NACC2: variants seen among roughly 807,000 people sequenced by gnomAD.
NACC2 encodes nucleus accumbens-associated protein 2.
NACC2 carries 8 observed loss-of-function variants against 25.1 expected under a neutral mutation model. The observed-to-expected ratio is 0.32, with a 90% CI of 0.19 to 0.57. The LOEUF (loss-of-function observed/expected upper bound fraction) is 0.57, where lower values mean the gene tolerates loss of function less well. Among genes scored for constraint, NACC2 ranks in the 20% least tolerant of loss-of-function variants. The pLI is 0.89. For synonymous variants in NACC2, 435 were observed against 294.7 expected, an observed-to-expected ratio of 1.48 and a Z score of -4.88; for missense variants, 644 against 650.2, an observed-to-expected ratio of 0.99 and a Z score of 0.10.
At chr9:136,028,645 G>A (rs189068704) in intron 2 of NACC2, among the ~76,000 whole-genome samples, 51 of 152,280 alleles carry the variant, frequency 3.3e-4, no homozygotes, top group Admixed American at 1.4e-3. Context: ...AATCTTGCCC[G>A]CTTCCAAGTT....
At chr9:136,072,482 T>C (rs777748410) in intron 1 of NACC2, among the ~76,000 whole-genome samples, 24 of 151,248 alleles carry the variant, frequency 1.6e-4, no homozygotes, top group Non-Finnish European at 3.2e-4. Flanking sequence ...AAGGCAGAGA[T>C]TGCAGTGAGC....
Position 136,086,059 on chromosome 9 carries a change from G to A in NACC2, c.-60+9130C>T, listed in dbSNP as rs536214438. ...GCAGAGCCCGGAGTCCGGGCGCCAC[G>A]CAGGGCAGCTCCGACGGGCAGGAGC... On this transcript the variant is annotated intron_variant, in intron 1 of 5. Coordinates refer to ENST00000277554, the MANE Select transcript of NACC2 (RefSeq NM_144653.5). The surrounding 1 kb of genome is among the most constrained non-coding windows in gnomAD (Gnocchi z 5.6). Among the ~76,000 whole-genome samples the A allele has an allele frequency of 4.0e-4, 61 of 152,354 alleles. No homozygotes were observed. In the East Asian group the frequency reaches 7.7e-3, roughly 19 times the overall value.
Position 136,055,626 on chromosome 9 carries a change from A to G in NACC2, c.-59-5046T>C, listed in dbSNP as rs557904477. On this transcript the variant is annotated intron_variant, in intron 1 of 5. Transcript: ENST00000277554. This position sits in a 1 kb window ranked among gnomAD's most constrained non-coding sequence, Gnocchi z 4.9. ...GAATTTCTGCAGGATCACCACCAGC[A>G]AGGGGAAGGGAGGCGAGAAAAATTA... is the stretch of plus-strand genomic sequence containing the variant. Among the ~76,000 whole-genome samples, 3 of 152,344 alleles carry G rather than the reference A, an allele frequency of 2.0e-5. No individual in the cohort carries two copies. The East Asian group carries it at 5.8e-4, about 29-fold the overall frequency.
intron 2 of NACC2, among the ~76,000 whole-genome samples, chr9:136,028,468 T>C (rs2131145335): frequency 6.6e-6 from 1 of 151,044 alleles, no homozygotes; most frequent in South Asian, 2.1e-4. Context: ...CTCTGCCTAC[T>C]GGGTTCAAGC....
In NACC2 at chr9:136,008,281, C is replaced by T. The variant is rs1395169342; in HGVS notation, c.*3235G>A. 2.6e-5 allele frequency: 4 copies of T among 152,258 alleles called. No homozygotes were observed. Among genetic ancestry groups the T allele is most frequent in the Non-Finnish European group, 5.9e-5 (4 of 68,080 alleles). The allele number at this position is 152,258 out of a possible 1,614,324, so 9.4% of individuals were successfully genotyped here. A position where few individuals can be genotyped will look rare whatever the true frequency, so the allele number is the denominator to read the frequency against. The stretch of plus-strand genomic sequence containing the variant: ...CACACCTCCGGTCCCTCCTGGACCT[C>T]TCCATGCAACCCAGCTGCCTCCTGG... On this transcript the variant is annotated 3_prime_UTR_variant, in exon 6 of 6. Transcript: ENST00000277554.
At chr9:136,053,708 C>T (rs1395607364) in intron 1 of NACC2, among the ~76,000 whole-genome samples, 1 of 152,258 alleles carries the variant, frequency 6.6e-6, no homozygotes, top group Non-Finnish European at 1.5e-5. Flanking sequence ...CACCAGGAGC[C>T]TCCCAGAGAG....
chr9:136,036,694 A>G (rs1840559464), intron 2 of NACC2, among the ~76,000 whole-genome samples: 1 of 152,224 alleles, frequency 6.6e-6, no homozygotes, highest in South Asian at 2.1e-4. Flanking sequence ...GCCCTTGAGC[A>G]TGAAGAAACC....
chr9:136,072,302 T>C (rs954517285), intron 1 of NACC2, among the ~76,000 whole-genome samples: 42 of 151,606 alleles, frequency 2.8e-4, no homozygotes, highest in African/African-American at 8.7e-4. Flanking sequence ...TCCCAGCACA[T>C]TGGGAGGCCA....
Position 136,084,766 on chromosome 9 carries a change from G to A in NACC2, c.-60+10423C>T, listed in dbSNP as rs138472176. On this transcript the variant is annotated intron_variant, in intron 1 of 5. Transcript: ENST00000277554. This position sits in a 1 kb window ranked among gnomAD's most constrained non-coding sequence, Gnocchi z 5.1. ...ACATCACGCAGCCTGGAGAAGGGAC[G>A]GGCTCCGCCACTCCCTGCAACCCGG... Among the ~76,000 whole-genome samples the A allele has an allele frequency of 1.5e-3, 222 of 152,350 alleles. 2 individuals are homozygous for A. The highest frequency in any genetic ancestry group is 4.0e-3 in the African/African-American group (168 of 41,578).
intron 1 of NACC2, among the ~76,000 whole-genome samples, chr9:136,089,792 TA>T (rs1170485340): frequency 8.6e-5 from 13 of 150,520 alleles, no homozygotes; most frequent in African/African-American, 2.0e-4. Flanking sequence ...TCTTTTTTAT[TA>T]AAAAAAAATC....
At chr9:136,048,043 GACCCGTCGGCA>G (rs1303615386) in intron 2 of NACC2, among the ~76,000 whole-genome samples, 5 of 152,218 alleles carry the variant, frequency 3.3e-5, no homozygotes, top group Admixed American at 6.5e-5. Context: ...GCAGCTCCCT[GACCCGTCGGCA>G]ACCCGTCGGC....
intron 1 of NACC2, among the ~76,000 whole-genome samples, chr9:136,070,408 T>C (rs1358529736): frequency 6.6e-6 from 1 of 151,640 alleles, no homozygotes; most frequent in Admixed American, 6.6e-5. Context: ...CTGGGGAGGC[T>C]GAGGCAGAGA....
chr9:136,092,533 TG>T (rs1367729863), intron 1 of NACC2, among the ~76,000 whole-genome samples: 1 of 152,174 alleles, frequency 6.6e-6, no homozygotes, highest in African/African-American at 2.4e-5. Context: ...GAGCCACGCC[TG>T]GAAGCCCAGC....
intron 2 of NACC2, among the ~76,000 whole-genome samples, chr9:136,037,432 T>C (rs987365238): frequency 3.3e-5 from 5 of 152,078 alleles, no homozygotes; most frequent in Non-Finnish European, 5.9e-5. Context: ...TGCATATTCA[T>C]TACTAATTAC....
chr9:136,071,894 C>T (rs563888706), intron 1 of NACC2, among the ~76,000 whole-genome samples: 4 of 152,210 alleles, frequency 2.6e-5, no homozygotes, highest in East Asian at 3.9e-4. Context: ...GGCAACTGAA[C>T]GTCCAGACGC....
At chr9:136,016,076 A>C (rs1311244889) in intron 3 of NACC2, among the ~76,000 whole-genome samples, 189 bp downstream of exon 3, 1 of 152,264 alleles carries the variant, frequency 6.6e-6, no homozygotes, top group African/African-American at 2.4e-5. Context: ...GATTCAATTA[A>C]AATGCTAAAT....
In NACC2 at chr9:136,034,524, C is replaced by A. The variant is rs1564225638; in HGVS notation, c.886+15112G>T. ...CTATAAAAACAAAAATACTTAGTGG[C>A]AATGAACAAATCTAGCACCAAGATC... On this transcript the variant is annotated intron_variant, in intron 2 of 5. Transcript: ENST00000277554. Among the ~76,000 whole-genome samples, 3 of 152,084 alleles carry A rather than the reference C, an allele frequency of 2.0e-5. No individual in the cohort carries two copies. The East Asian group carries it at 5.8e-4, about 29-fold the overall frequency.
chr9:136,077,956 T>A (rs574698544), intron 1 of NACC2, among the ~76,000 whole-genome samples: 1 of 152,346 alleles, frequency 6.6e-6, no homozygotes, highest in African/African-American at 2.4e-5. Context: ...TTCTTTTTAG[T>A]AGAGACGGGG....
chr9:136,007,695 C>T lies in NACC2; in HGVS notation c.*3821G>A, dbSNP rs993919535. ...CTCTGGATTCTGCGCTTAGGACTCG[C>T]TGCTGGCAGAGGCAGACAGAGGGTT... is the stretch of plus-strand genomic sequence containing the variant. On this transcript the variant is annotated 3_prime_UTR_variant, in exon 6 of 6. Transcript: ENST00000277554. The T allele has an allele frequency of 6.6e-6, 1 of 152,288 alleles. No individual in the cohort carries two copies. Among genetic ancestry groups the T allele is most frequent in the African/African-American group, 2.4e-5 (1 of 41,462 alleles). The allele number at this position is 152,288 out of a possible 1,614,324, so 9.4% of individuals were successfully genotyped here.
Sources: gnomAD v4.1 joint callset for allele counts (sites outside exome capture counted in the v4.1 genomes callset) on GRCh38, gnomAD v4.1.1 for gene constraint, Gnocchi (gnomAD v3.1) non-coding constraint, MANE v1.5 for transcripts, NCBI Gene and HGNC (gene_info 2026-07-23, HGNC 2026-07-21) for gene names.